Variants in TMEM39B observed in about 807,000 individuals in gnomAD.
TMEM39B encodes transmembrane protein 39B.
Under a neutral mutation model 52.2 loss-of-function variants are expected in TMEM39B, and 23 were observed. The observed-to-expected ratio is 0.44, with a 90% CI of 0.32 to 0.62. The LOEUF (loss-of-function observed/expected upper bound fraction) is 0.62. Among genes scored for constraint, TMEM39B ranks in the 20% least tolerant of loss-of-function variants. The pLI, the probability that TMEM39B is intolerant of heterozygous loss-of-function variation, is 0.06. For missense variants in TMEM39B, 547 were observed against 642.0 expected (o/e 0.85, Z 1.60); for synonymous variants, 285 against 264.0 (o/e 1.08, Z -0.77).
chr1:32,073,140 G>A, intron 1 of TMEM39B, 89 bp downstream of exon 1: 1 of 1,359,294 alleles, frequency 7.4e-7, no homozygotes, highest in South Asian at 1.7e-5. Context: ...CACGCGGACA[G>A]GAGCCCGGTG....
upstream of TMEM39B, chr1:32,072,486 C>G (rs912150143): frequency 3.3e-5 from 5 of 153,244 alleles, no homozygotes; most frequent in Admixed American, 1.3e-4. Context: ...ATATTTAGGA[C>G]TTAGGCTCAC....
chr1:32,101,408 A>T (rs959759547), intron 8 of TMEM39B, among the ~76,000 whole-genome samples: 12 of 151,782 alleles, frequency 7.9e-5, no homozygotes, highest in Middle Eastern at 3.4e-3. Context: ...ATTTTTTTTT[A>T]AATTTCACTA....
Position 32,100,568 on chromosome 1 carries a change from TCTC to T in TMEM39B, c.1236+11_1236+13del. ...TCTCCCACTTCCGCTTCCATGTGAGTCTCCTCCCCGGGGAAGGAGGGTTGGGGC... is the reference window on the plus strand; with the variant it reads ...TCTCCCACTTCCGCTTCCATGTGAGTCTCCCCGGGGAAGGAGGGTTGGGGC... On this transcript the variant is annotated splice_region_variant and intron_variant, in intron 8 of 8. Transcript: ENST00000336294. 1 of 1,613,960 alleles carries T rather than the reference TCTC, an allele frequency of 6.2e-7. No homozygotes were observed.
At chr1:32,087,568 A>T (rs1274724532) in intron 5 of TMEM39B, 1 of 151,374 alleles carries the variant, frequency 6.6e-6, no homozygotes. Flanking sequence ...GGTTGCAGTG[A>T]GCCGAGATCA....
At chr1:32,078,943 A>G (rs1639977692) in intron 5 of TMEM39B, among the ~76,000 whole-genome samples, 1 of 152,014 alleles carries the variant, frequency 6.6e-6, no homozygotes, top group South Asian at 2.1e-4. Context: ...GCCTGGCCAC[A>G]TGCAGTTTTT....
intron 5 of TMEM39B, among the ~76,000 whole-genome samples, chr1:32,082,949 T>G (rs1640170216): frequency 6.6e-6 from 1 of 151,282 alleles, no homozygotes; most frequent in Admixed American, 6.6e-5. Context: ...TAGTTTTTTG[T>G]ATGTTTAGTA....
chr1:32,074,691 G>A (rs574146351), intron 1 of TMEM39B, among the ~76,000 whole-genome samples: 1 of 152,250 alleles, frequency 6.6e-6, no homozygotes, highest in East Asian at 1.9e-4. Context: ...TATTATAAGT[G>A]CTAGAGGTAG....
At chr1:32,099,989 G>C (rs1320072660) in intron 7 of TMEM39B, among the ~76,000 whole-genome samples, 1 of 152,066 alleles carries the variant, frequency 6.6e-6, no homozygotes, top group Non-Finnish European at 1.5e-5. Context: ...GGAGGTTGCA[G>C]TAAGCCAAGA....
At chr1:32,078,352 G>T (rs1410435141) in intron 5 of TMEM39B, among the ~76,000 whole-genome samples, 1 of 151,960 alleles carries the variant, frequency 6.6e-6, no homozygotes, top group Non-Finnish European at 1.5e-5. Flanking sequence ...GTGTGGTGAG[G>T]CACGCCTATA....
chr1:32,073,392 C>T (rs1639721940), intron 1 of TMEM39B: 1 of 447,030 alleles, frequency 2.2e-6, no homozygotes, highest in Non-Finnish European at 3.5e-6. Flanking sequence ...GGCGCTAGTG[C>T]AGTCGGCGTT....
At position 32,074,979 on chromosome 1, in the gene TMEM39B, T is replaced by C. The variant is rs1049817462; in HGVS notation, c.33T>C (p.Ser11=). The C allele has an allele frequency of 3.9e-6, 6 of 1,551,552 alleles. No homozygotes were observed. The highest frequency in any genetic ancestry group is 5.2e-6 in the Non-Finnish European group (6 of 1,146,928). The part of the protein sequence containing the change: MGGRRGPNRT[S]YCRNPLCEPG... ...GACGAAGAGGTCCCAACAGGACATC[T>C]TACTGTCGAAATCCGCTCTGTGAGC... Residue 11 remains serine (S), a synonymous_variant, in exon 2 of 9, where the codon TCT becomes TCC. Coordinates refer to ENST00000336294, the MANE Select transcript of TMEM39B (RefSeq NM_018056.4).
chr1:32,092,690 G>C (rs1372161707), intron 6 of TMEM39B, among the ~76,000 whole-genome samples: 5 of 151,432 alleles, frequency 3.3e-5, no homozygotes, highest in Admixed American at 1.3e-4. Context: ...GGGGTTTCAT[G>C]ATGTTGGCCA....
At chr1:32,089,944 G>A (rs1219462180) in intron 5 of TMEM39B, among the ~76,000 whole-genome samples, 4 of 151,728 alleles carry the variant, frequency 2.6e-5, no homozygotes, top group African/African-American at 9.7e-5. Flanking sequence ...TGGGAGAATC[G>A]CTTGAACCCA....
chr1:32,090,028 C>CA (rs932829943), intron 5 of TMEM39B, among the ~76,000 whole-genome samples: 12 of 148,928 alleles, frequency 8.1e-5, no homozygotes, highest in Non-Finnish European at 1.5e-4. Context: ...GACTCTGTCT[C>CA]AAAAAAAAAG....
chr1:32,097,205 G>A (rs1477551488), intron 7 of TMEM39B, among the ~76,000 whole-genome samples: 1 of 151,992 alleles, frequency 6.6e-6, no homozygotes, highest in Non-Finnish European at 1.5e-5. Context: ...CAGCCCTTCA[G>A]AAAATGTCCT....
At position 32,094,114 on chromosome 1, in the gene TMEM39B, G is replaced by C. The variant is rs1480637646; in HGVS notation, c.928-670G>C. 5.7e-5 allele frequency among the ~76,000 whole-genome samples: 7 copies of C among 123,684 alleles called. No individual in the cohort carries two copies. The South Asian group carries it at 7.7e-4, about 14-fold the overall frequency. The allele number at this position is 123,684 out of a possible 152,430, so 81.1% of individuals were successfully genotyped here. A position where few individuals can be genotyped will look rare whatever the true frequency, so the allele number is the denominator to read the frequency against. The stretch of plus-strand genomic sequence containing the variant: ...ATTACAGGTGTGAGCCACTGCGCCT[G>C]GCCTTTTTTTTTTTTTTTTTTTTTT... On this transcript the variant is annotated intron_variant, in intron 6 of 8. Coordinates refer to ENST00000336294, the MANE Select transcript of TMEM39B (RefSeq NM_018056.4).
intron 5 of TMEM39B, among the ~76,000 whole-genome samples, chr1:32,083,441 A>C (rs917991125): frequency 9.4e-4 from 35 of 37,386 alleles, no homozygotes; most frequent in Non-Finnish European, 1.5e-3. Context: ...TTTTTTTTTG[A>C]GATGGAGATT....
chr1:32,088,984 A>G (rs6672317), intron 5 of TMEM39B, among the ~76,000 whole-genome samples: 4,484 of 152,210 alleles, frequency 0.029, 218 homozygotes, highest in African/African-American at 0.1. Flanking sequence ...ACTAAAAGAC[A>G]GTATTTATGA....
intron 7 of TMEM39B, among the ~76,000 whole-genome samples, chr1:32,096,012 G>A (rs764393193): frequency 6.6e-6 from 1 of 152,164 alleles, no homozygotes; most frequent in African/African-American, 2.4e-5. Flanking sequence ...GGTCCTTCGC[G>A]TGGCTTCCCA....
Sources: allele counts gnomAD v4.1 joint callset (sites outside exome capture counted in the v4.1 genomes callset), GRCh38; gene constraint gnomAD v4.1.1; transcripts MANE v1.5; gene names NCBI Gene and HGNC (gene_info 2026-07-23, HGNC 2026-07-21).